Variants in DNAJC21 observed in about 807,000 individuals in gnomAD.
DNAJC21 encodes DnaJ heat shock protein family (Hsp40) member C21, also known as dnaJ homolog subfamily C member 21.
In DNAJC21, 63 loss-of-function variants were observed where a neutral mutation model predicts 72.4. The ratio of observed to expected loss-of-function variants is 0.87; its 90% CI spans 0.71 to 1.07. DNAJC21 has a LOEUF of 1.07. DNAJC21 is among the 50% of genes least tolerant of loss of function. The probability of loss-of-function intolerance (pLI) is 0.00; values close to 1 mark genes in which losing one functional copy is unlikely to be tolerated. For synonymous variants in DNAJC21, 203 were observed against 216.7 expected, an observed-to-expected ratio of 0.94 and a Z score of 0.56; for missense variants, 634 against 644.8, an observed-to-expected ratio of 0.98 and a Z score of 0.18.
At chr5:34,945,926 G>T (rs879308834) in intron 9 of DNAJC21, 123 bp downstream of exon 9, 6 of 663,238 alleles carry the variant, frequency 9.0e-6, no homozygotes, top group Non-Finnish European at 1.4e-5. Flanking sequence ...TTGATTGTAA[G>T]ATTGATTAAA....
At chr5:34,940,991 T>C (rs1764967403) in intron 6 of DNAJC21, 105 bp from the exon 7 acceptor site, 2 of 934,850 alleles carry the variant, frequency 2.1e-6, no homozygotes, top group South Asian at 1.6e-5. Flanking sequence ...AGGATTATTT[T>C]TTTTTAGGTA....
In DNAJC21 at chr5:34,935,832, A is replaced by G. The variant is rs1764752143; in HGVS notation, c.314A>G (p.Lys105Arg). The change falls in exon 3 of 12, where the codon AAG (lysine) becomes AGG (arginine). Residue 105 changes from lysine (K) to arginine (R), a missense_variant and splice_region_variant. Physicochemically the swap from Lys to Arg is conservative, Grantham distance 26. Coordinates refer to ENST00000648817, the MANE Select transcript of DNAJC21 (RefSeq NM_001012339.3). The stretch of plus-strand genomic sequence containing the variant: ...TATTCTGGTTATGGAGATGATGAAA[A>G]GGTAAGATAAATGAACTCACCCTTG... The part of the protein sequence containing the change: ...TCYSGYGDDE[K>R]GFYTVYRNVF... 1 of 1,613,812 alleles carries G rather than the reference A, an allele frequency of 6.2e-7. No individual in the cohort carries two copies.
chr5:34,943,619 G>A (rs1175797187), intron 7 of DNAJC21, among the ~76,000 whole-genome samples: 1 of 152,124 alleles, frequency 6.6e-6, no homozygotes, highest in Non-Finnish European at 1.5e-5. Context: ...CAGATATCTT[G>A]CTTCTCATAA....
intron 8 of DNAJC21, among the ~76,000 whole-genome samples, chr5:34,945,556 C>G (rs1217967647): frequency 6.6e-6 from 1 of 152,162 alleles, no homozygotes; most frequent in Non-Finnish European, 1.5e-5. Context: ...AAGCTAATTA[C>G]TATCCATTGA....
At position 34,954,793 on chromosome 5, in the gene DNAJC21, A is replaced by G. The variant is rs1765489232; in HGVS notation, c.*79A>G. 7.5e-7 allele frequency: 1 copy of G among 1,341,446 alleles called. No individual in the cohort carries two copies. Among genetic ancestry groups the G allele is most frequent in the African/African-American group, 1.5e-5 (1 of 66,386 alleles). 83.1% of individuals were successfully genotyped at this position (1,341,446 alleles called of 1,614,324 possible). Reference sequence around the variant, plus strand: ...TGAACTGAAATCATCTAAAGAGTTAAAATTTCAGTGATCTGCAATTAATTA... The same window carrying G: ...TGAACTGAAATCATCTAAAGAGTTAGAATTTCAGTGATCTGCAATTAATTA... On this transcript the variant is annotated 3_prime_UTR_variant, in exon 12 of 12. Coordinates refer to ENST00000648817, the MANE Select transcript of DNAJC21 (RefSeq NM_001012339.3).
intron 1 of DNAJC21, among the ~76,000 whole-genome samples, chr5:34,930,708 A>G (rs1394688831): frequency 6.6e-6 from 1 of 152,226 alleles, no homozygotes; most frequent in Non-Finnish European, 1.5e-5. Flanking sequence ...AGGCTTTCAT[A>G]TTAGCATTCA....
chr5:34,954,958 A>G lies in DNAJC21; in HGVS notation c.*244A>G, dbSNP rs1463719556. On this transcript the variant is annotated 3_prime_UTR_variant, in exon 12 of 12. Transcript: ENST00000648817. ...GTCTTAAAACAGGTAAATACTGTAAAGTGTGTATTCTTGATGTTTATTGGC... is the reference window on the plus strand; with the variant it reads ...GTCTTAAAACAGGTAAATACTGTAAGGTGTGTATTCTTGATGTTTATTGGC... The G allele has an allele frequency of 3.1e-6, 1 of 320,756 alleles. No individual in the cohort carries two copies. The highest frequency in any genetic ancestry group is 2.2e-5 in the African/African-American group (1 of 46,484). 19.9% of individuals were successfully genotyped at this position (320,756 alleles called of 1,614,324 possible). A position where few individuals can be genotyped will look rare whatever the true frequency, so the allele number is the denominator to read the frequency against.
rs999230420 is a variant in DNAJC21 at position 34,954,695 on chromosome 5, A to G, written c.1577A>G (p.Glu526Gly). 6.2e-7 allele frequency: 1 copy of G among 1,608,620 alleles called. No individual in the cohort carries two copies. The highest frequency in any genetic ancestry group is 1.3e-5 in the African/African-American group (1 of 74,646). ...NSATSSQSKK[E>G]KRKNR is the part of the protein sequence containing the mutation. ...GCAACAAGTAGTCAAAGCAAGAAAG[A>G]GAAACGTAAAAACAGATAGAGATTC... Residue 526 changes from glutamate (E) to glycine (G), a missense_variant, in exon 12 of 12, where the codon GAG (glutamate) becomes GGG (glycine). Coordinates refer to ENST00000648817, the MANE Select transcript of DNAJC21 (RefSeq NM_001012339.3).
chr5:34,953,779 G>C, intron 10 of DNAJC21, 147 bp from the exon 11 acceptor site: 1 of 447,070 alleles, frequency 2.2e-6, no homozygotes, highest in Non-Finnish European at 3.9e-6. Context: ...CATTTAAGAT[G>C]TAAAGATTAT....
chr5:34,954,460 A>C lies in DNAJC21; in HGVS notation c.1435-93A>C. The C allele has an allele frequency of 3.6e-6, 5 of 1,403,068 alleles. No homozygotes were observed. The South Asian group carries it at 6.0e-5, about 17-fold the overall frequency. 86.9% of individuals were successfully genotyped at this position (1,403,068 alleles called of 1,614,324 possible). ...CTCTGTTAAAACATCTTTATTTTAC[A>C]ATTGTTTGATGCTTAATCTTGATAT... On this transcript the variant is annotated intron_variant, in intron 11 of 11. Coordinates refer to ENST00000648817, the MANE Select transcript of DNAJC21 (RefSeq NM_001012339.3).
At chr5:34,947,554 GT>G (rs1273352350) in intron 9 of DNAJC21, among the ~76,000 whole-genome samples, 1 of 148,640 alleles carries the variant, frequency 6.7e-6, no homozygotes, top group Non-Finnish European at 1.5e-5. Flanking sequence ...TAAGAGGTTT[GT>G]TAGTTATTTT....
At chr5:34,945,508 CA>C (rs1295957192) in intron 8 of DNAJC21, among the ~76,000 whole-genome samples, 1 of 152,178 alleles carries the variant, frequency 6.6e-6, no homozygotes, top group Non-Finnish European at 1.5e-5. Flanking sequence ...AACATATTAT[CA>C]CTATATTAAA....
chr5:34,950,681 C>A, intron 10 of DNAJC21: 1 of 1,003,024 alleles, frequency 1.0e-6, no homozygotes, highest in Non-Finnish European at 1.2e-6. Flanking sequence ...ACTCCTGCTG[C>A]GTCCCTGGAG....
Position 34,955,959 on chromosome 5 carries a change from AG to A in DNAJC21, c.*1247del, listed in dbSNP as rs1458382777. The A allele has an allele frequency of 3.5e-5, 5 of 144,506 alleles. No individual in the cohort carries two copies. The highest frequency in any genetic ancestry group is 7.0e-5 in the Admixed American group (1 of 14,214). The allele number at this position is 144,506 out of a possible 1,614,324, so 9.0% of individuals were successfully genotyped here. On this transcript the variant is annotated 3_prime_UTR_variant, in exon 12 of 12. Transcript: ENST00000648817. Reference sequence around the variant, plus strand: ...TCCCAGCTACTTGGGAGGCTGAGGCAGGAGAATGGCGTGAACCCGGGAGGCG... The same window carrying A: ...TCCCAGCTACTTGGGAGGCTGAGGCAGAGAATGGCGTGAACCCGGGAGGCG...
chr5:34,938,316 T>G (rs1028569167), intron 5 of DNAJC21, among the ~76,000 whole-genome samples: 1 of 152,204 alleles, frequency 6.6e-6, no homozygotes, highest in African/African-American at 2.4e-5. Context: ...AGGCCTGAGA[T>G]CACAGAGCCA....
chr5:34,951,855 G>A, intron 10 of DNAJC21: 1 of 985,444 alleles, frequency 1.0e-6, no homozygotes, highest in Non-Finnish European at 1.2e-6. Context: ...AATTGATCTG[G>A]GGAGGAAGAA....
chr5:34,953,158 A>T (rs1282900753), intron 10 of DNAJC21, among the ~76,000 whole-genome samples: 2 of 152,122 alleles, frequency 1.3e-5, no homozygotes, highest in Non-Finnish European at 2.9e-5. Flanking sequence ...TCAAAAAAAA[A>T]GTTAATGTTT....
intron 7 of DNAJC21, 143 bp from the exon 8 acceptor site, chr5:34,944,724 A>G: frequency 8.1e-7 from 1 of 1,229,480 alleles, no homozygotes; most frequent in Admixed American, 2.4e-5. Flanking sequence ...CAAATAAAAA[A>G]AAAGAAAAAA....
intron 9 of DNAJC21, 22 bp from the exon 10 acceptor site, chr5:34,950,148 G>C (rs1374800149): frequency 6.3e-7 from 1 of 1,580,992 alleles, no homozygotes; most frequent in South Asian, 1.2e-5. Flanking sequence ...TTTTGTAACG[G>C]CACATATGTT....
Sources: allele counts gnomAD v4.1 joint callset (sites outside exome capture counted in the v4.1 genomes callset), GRCh38; gene constraint gnomAD v4.1.1; transcripts MANE v1.5; gene names NCBI Gene and HGNC (gene_info 2026-07-23, HGNC 2026-07-21).